ST8SIA6: variants seen among roughly 807,000 people sequenced by gnomAD.
ST8SIA6 encodes the protein alpha-2,8-sialyltransferase 8F.
A neutral mutation model predicts 33.6 loss-of-function variants in ST8SIA6; 39 were observed. The ratio of observed to expected loss-of-function variants is 1.16; its 90% CI spans 0.90 to 1.52. ST8SIA6 has a LOEUF of 1.52. ST8SIA6 is among the 40% of genes most tolerant of loss of function. The pLI is 0.00. For synonymous variants in ST8SIA6, 172 were observed against 167.2 expected (o/e 1.03, Z -0.22); for missense variants, 441 against 443.8 (o/e 0.99, Z 0.06).
At chr10:17,392,212 C>T (rs185689921) in intron 2 of ST8SIA6, among the ~76,000 whole-genome samples, 445 of 152,202 alleles carry the variant, frequency 2.9e-3, no homozygotes, top group African/African-American at 0.01. Context: ...AATTATGAAC[C>T]GTGATTGGTT....
At position 17,318,215 on chromosome 10, in the gene ST8SIA6, C is replaced by CT. The variant is rs58722684; in HGVS notation, c.*2662dup. The stretch of plus-strand genomic sequence containing the variant: ...AGCTAGAATCCTAACTAAAGGGCTA[C>CT]TTTTTTTTTTTCTTTTTTGAGACAG... On this transcript the variant is annotated 3_prime_UTR_variant, in exon 8 of 8. Transcript: ENST00000377602. 2.2e-3 allele frequency among the ~76,000 whole-genome samples: 323 copies of CT among 147,448 alleles called. 3 individuals are homozygous for CT. Among genetic ancestry groups the CT allele is most frequent in the African/African-American group, 7.0e-3 (284 of 40,512 alleles).
intron 2 of ST8SIA6, among the ~76,000 whole-genome samples, chr10:17,391,354 C>T (rs577739107): frequency 4.7e-4 from 72 of 151,978 alleles, no homozygotes; most frequent in South Asian, 1.0e-3. Flanking sequence ...CTCCGCCTCC[C>T]GGGTTCACGC....
At chr10:17,326,881 C>T in intron 6 of ST8SIA6, 133 bp downstream of exon 6, 1 of 571,612 alleles carries the variant, frequency 1.7e-6, no homozygotes, top group South Asian at 3.4e-5. Context: ...TTCAGGAAAC[C>T]TTCCCGGGTA....
chr10:17,330,132 T>C (rs2131583560), intron 5 of ST8SIA6, among the ~76,000 whole-genome samples: 1 of 152,272 alleles, frequency 6.6e-6, no homozygotes, highest in East Asian at 1.9e-4. Context: ...GAATTTCCTC[T>C]CCCCAGTTTA....
intron 3 of ST8SIA6, among the ~76,000 whole-genome samples, chr10:17,377,202 C>T (rs1336502997): frequency 6.6e-6 from 1 of 152,166 alleles, no homozygotes; most frequent in Non-Finnish European, 1.5e-5. Flanking sequence ...CACCTTATGA[C>T]CTGCCCCTGC....
chr10:17,391,939 C>T (rs541719878), intron 2 of ST8SIA6, among the ~76,000 whole-genome samples: 61 of 152,226 alleles, frequency 4.0e-4, no homozygotes, highest in Admixed American at 1.0e-3. Context: ...ACATGCGTCA[C>T]ATATATTAAG....
At chr10:17,384,811 A>G (rs1030274122) in intron 3 of ST8SIA6, among the ~76,000 whole-genome samples, 2 of 152,216 alleles carry the variant, frequency 1.3e-5, no homozygotes, top group Non-Finnish European at 2.9e-5. Flanking sequence ...CTTCCGAGTA[A>G]TTGGCCTATA....
At chr10:17,379,456 A>G (rs1258077676) in intron 3 of ST8SIA6, among the ~76,000 whole-genome samples, 1 of 152,208 alleles carries the variant, frequency 6.6e-6, no homozygotes, top group Non-Finnish European at 1.5e-5. Context: ...GGGCCCCCAA[A>G]ATCACTAAGG....
chr10:17,340,037 G>A (rs988299816), intron 4 of ST8SIA6, among the ~76,000 whole-genome samples: 1 of 152,198 alleles, frequency 6.6e-6, no homozygotes, highest in African/African-American at 2.4e-5. Flanking sequence ...TTCAAACCCA[G>A]AATTCAAACT....
chr10:17,431,348 C>T (rs1852095275), intron 2 of ST8SIA6, among the ~76,000 whole-genome samples: 1 of 152,090 alleles, frequency 6.6e-6, no homozygotes, highest in Non-Finnish European at 1.5e-5. Flanking sequence ...AATTTCTTCA[C>T]AGTGCTGTTT....
chr10:17,446,318 A>G (rs1440118811), intron 2 of ST8SIA6, among the ~76,000 whole-genome samples: 1 of 152,248 alleles, frequency 6.6e-6, no homozygotes, highest in African/African-American at 2.4e-5. Context: ...CATACTTTTG[A>G]AAAACAGTTA....
intron 2 of ST8SIA6, among the ~76,000 whole-genome samples, chr10:17,393,324 C>T (rs1366872499): frequency 6.6e-6 from 1 of 152,192 alleles, no homozygotes; most frequent in African/African-American, 2.4e-5. Flanking sequence ...GCTAATCCCT[C>T]GTAATAAATC....
chr10:17,390,764 G>A (rs1237073318), intron 2 of ST8SIA6, 144 bp from the exon 3 acceptor site: 13 of 523,376 alleles, frequency 2.5e-5, no homozygotes, highest in South Asian at 6.7e-5. Flanking sequence ...CCATGGAAAA[G>A]GAAATTAATA....
intron 4 of ST8SIA6, among the ~76,000 whole-genome samples, chr10:17,343,086 G>T (rs923638363): frequency 6.6e-6 from 1 of 152,104 alleles, no homozygotes; most frequent in Non-Finnish European, 1.5e-5. Context: ...AGGGCATCCC[G>T]GGTGCCTTGC....
chr10:17,388,034 T>A (rs1237371116), intron 3 of ST8SIA6, among the ~76,000 whole-genome samples: 1 of 152,158 alleles, frequency 6.6e-6, no homozygotes, highest in African/African-American at 2.4e-5. Flanking sequence ...GTCAACAGAC[T>A]CAGACAAAGC....
chr10:17,343,407 T>C (rs1429917704), intron 4 of ST8SIA6, among the ~76,000 whole-genome samples: 1 of 152,218 alleles, frequency 6.6e-6, no homozygotes, highest in African/African-American at 2.4e-5. Context: ...AGCTCATAAA[T>C]GTTTGAAAAG....
intron 2 of ST8SIA6, among the ~76,000 whole-genome samples, chr10:17,415,134 A>G (rs1210684406): frequency 6.6e-6 from 1 of 152,048 alleles, no homozygotes; most frequent in Non-Finnish European, 1.5e-5. Flanking sequence ...TTCTCTAACA[A>G]ATTATCTAAA....
intron 3 of ST8SIA6, 92 bp from the exon 4 acceptor site, chr10:17,359,692 A>T: frequency 8.8e-6 from 6 of 681,592 alleles, no homozygotes; most frequent in Non-Finnish European, 1.1e-5. Flanking sequence ...CCTTTAGTCT[A>T]TAAATATTTT....
In ST8SIA6 at chr10:17,343,092, C is replaced by T. The variant is rs189010109; in HGVS notation, c.378-11540G>A. 7.9e-5 allele frequency among the ~76,000 whole-genome samples: 12 copies of T among 152,306 alleles called. No homozygotes were observed. In the East Asian group the frequency reaches 2.3e-3, roughly 29 times the overall value. On this transcript the variant is annotated intron_variant, in intron 4 of 7. Transcript: ENST00000377602. ...TATTCATCAAGGGCATCCCGGGTGC[C>T]TTGCACTGTGCTAGGCTCTGGGGAT...
Sources: gnomAD v4.1 joint callset for allele counts (sites outside exome capture counted in the v4.1 genomes callset) on GRCh38, gnomAD v4.1.1 for gene constraint, MANE v1.5 for transcripts, NCBI Gene and HGNC (gene_info 2026-07-23, HGNC 2026-07-21) for gene names.